Variants in STARD13 observed in about 807,000 individuals in gnomAD.
The protein encoded by STARD13 is StAR related lipid transfer domain containing 13, also known as stAR-related lipid transfer protein 13.
STARD13 carries 62 observed loss-of-function variants against 106.4 expected under a neutral mutation model. That is an observed-to-expected ratio of 0.58 (90% confidence interval 0.48 to 0.72). The LOEUF (loss-of-function observed/expected upper bound fraction) is 0.72. Among genes scored for constraint, STARD13 ranks in the 30% least tolerant of loss-of-function variants. The pLI is 0.00. For synonymous variants in STARD13, 565 were observed against 553.0 expected (o/e 1.02, Z -0.31); for missense variants, 1,387 against 1,424.0 (o/e 0.97, Z 0.42).
the STARD13 span, among the ~76,000 whole-genome samples, chr13:33,402,050 A>G: frequency 2.0e-5 from 3 of 152,242 alleles, no homozygotes; most frequent in African/African-American, 7.2e-5. Flanking sequence ...CCTTTTGGAA[A>G]TGCAATCAAG....
chr13:33,361,723 G>A, the STARD13 span, among the ~76,000 whole-genome samples: 2 of 152,100 alleles, frequency 1.3e-5, no homozygotes, highest in Non-Finnish European at 2.9e-5. Context: ...AGTGAAAGGG[G>A]AATTGCTACA....
chr13:33,625,726 G>T, the STARD13 span, among the ~76,000 whole-genome samples: 2 of 150,418 alleles, frequency 1.3e-5, no homozygotes, highest in African/African-American at 4.9e-5. Flanking sequence ...TTTTTGAGAC[G>T]GAGTCTCGCT....
At chr13:33,482,205 G>T in the STARD13 span, among the ~76,000 whole-genome samples, 5 of 152,110 alleles carry the variant, frequency 3.3e-5, no homozygotes, top group African/African-American at 1.2e-4. Flanking sequence ...GTAGGTGGAC[G>T]TGCAGATCAA....
the STARD13 span, among the ~76,000 whole-genome samples, chr13:33,419,313 G>T: frequency 6.6e-6 from 1 of 152,118 alleles, no homozygotes; most frequent in Non-Finnish European, 1.5e-5. Flanking sequence ...AGAACTTCAT[G>T]ACACATGCAC....
At chr13:33,597,935 A>G in the STARD13 span, among the ~76,000 whole-genome samples, 2 of 152,172 alleles carry the variant, frequency 1.3e-5, no homozygotes, top group African/African-American at 4.8e-5. Context: ...GTTGATGGCT[A>G]TTATTTGATA....
intron 1 of STARD13, among the ~76,000 whole-genome samples, chr13:33,213,554 G>A (rs970819853): frequency 6.6e-6 from 1 of 152,246 alleles, no homozygotes; most frequent in Admixed American, 6.5e-5. Context: ...TGGCTCTCTC[G>A]AGGTAGAGAA....
intron 1 of STARD13, among the ~76,000 whole-genome samples, chr13:33,214,282 T>C (rs1397199691): frequency 6.6e-6 from 1 of 152,200 alleles, no homozygotes; most frequent in Non-Finnish European, 1.5e-5. Flanking sequence ...TAACTTTACA[T>C]GACTGGGTTG....
chr13:33,594,663 A>G, the STARD13 span, among the ~76,000 whole-genome samples: 12 of 152,156 alleles, frequency 7.9e-5, no homozygotes, highest in African/African-American at 2.9e-4. Flanking sequence ...CCCATTAAAC[A>G]TGAATTCCTC....
chr13:33,345,110 A>C (rs947414234), downstream of STARD13, among the ~76,000 whole-genome samples: 1 of 152,212 alleles, frequency 6.6e-6, no homozygotes, highest in Non-Finnish European at 1.5e-5. Flanking sequence ...CCTGCTGTGC[A>C]TGTAGGGTTT....
intron 1 of STARD13, among the ~76,000 whole-genome samples, chr13:33,198,942 A>G (rs1332127103): frequency 6.6e-6 from 1 of 152,362 alleles, no homozygotes; most frequent in Non-Finnish European, 1.5e-5. Flanking sequence ...ACCCTTAAAA[A>G]GTTCTAGCCC....
At chr13:33,232,776 G>C (rs1278531262) in intron 1 of STARD13, among the ~76,000 whole-genome samples, 1 of 152,170 alleles carries the variant, frequency 6.6e-6, no homozygotes, top group Non-Finnish European at 1.5e-5. Flanking sequence ...CCTCACTCAA[G>C]GGAATGAAAC....
the STARD13 span, chr13:33,511,235 C>T: frequency 2.6e-5 from 4 of 152,092 alleles, no homozygotes; most frequent in African/African-American, 9.7e-5. Flanking sequence ...ATTGCTTGAA[C>T]CTGGGGGGTG....
chr13:33,383,131 C>T, the STARD13 span, among the ~76,000 whole-genome samples: 4 of 152,180 alleles, frequency 2.6e-5, no homozygotes, highest in Admixed American at 6.5e-5. Context: ...TAAGACATTT[C>T]ATGTTTCTCC....
At chr13:33,414,585 A>G in the STARD13 span, among the ~76,000 whole-genome samples, 1 of 152,084 alleles carries the variant, frequency 6.6e-6, no homozygotes, top group Non-Finnish European at 1.5e-5. Flanking sequence ...ATCATTTTTG[A>G]AAAGAAAAAA....
At chr13:33,519,353 T>C in the STARD13 span, among the ~76,000 whole-genome samples, 1 of 150,734 alleles carries the variant, frequency 6.6e-6, no homozygotes, top group South Asian at 2.1e-4. Context: ...CTTTTTTCTT[T>C]CCTTTTCATT....
At position 33,350,467 on chromosome 13, in the gene STARD13, G is replaced by A; in HGVS notation, c.-54C>T. 4 of 1,499,024 alleles carry A rather than the reference G, an allele frequency of 2.7e-6. No homozygotes were observed. In the South Asian group the frequency reaches 3.7e-5, roughly 14 times the overall value. The allele number at this position is 1,499,024 out of a possible 1,614,324, so 92.9% of individuals were successfully genotyped here. A position where few individuals can be genotyped will look rare whatever the true frequency, so the allele number is the denominator to read the frequency against. ...GGCTCTCCACCGCCACTCCCGCGTG[G>A]CCCGCGACTCAGACTCCCGGCGACT... On this transcript the variant is annotated 5_prime_UTR_variant, in exon 1 of 2. Coordinates refer to the STARD13 transcript ENST00000439831.
chr13:33,356,972 G>T, the STARD13 span, among the ~76,000 whole-genome samples: 3 of 152,150 alleles, frequency 2.0e-5, no homozygotes, highest in Non-Finnish European at 4.4e-5. Context: ...AGAACTCTTT[G>T]TTCTACCTAC....
intron 3 of STARD13, among the ~76,000 whole-genome samples, chr13:33,156,819 GA>G (rs1882042658): frequency 6.6e-6 from 1 of 152,080 alleles, no homozygotes; most frequent in Non-Finnish European, 1.5e-5. Context: ...GTGTTTTAAA[GA>G]AATAAAATAA....
At chr13:33,630,105 C>T in the STARD13 span, among the ~76,000 whole-genome samples, 1 of 152,160 alleles carries the variant, frequency 6.6e-6, no homozygotes, top group Non-Finnish European at 1.5e-5. Context: ...CTTTTATGGA[C>T]TGTTTCTCAC....
Sources: allele counts gnomAD v4.1 joint callset (sites outside exome capture counted in the v4.1 genomes callset), GRCh38; gene constraint gnomAD v4.1.1; transcripts MANE v1.5; gene names NCBI Gene and HGNC (gene_info 2026-07-23, HGNC 2026-07-21).